The following SNU13 variants were observed in gnomAD, a reference collection of about 807,000 sequenced individuals.
The protein encoded by SNU13 is NHP2-like protein 1.
SNU13 carries 2 observed loss-of-function variants against 12.4 expected under a neutral mutation model. The ratio of observed to expected loss-of-function variants is 0.16; its 90% confidence interval spans 0.07 to 0.51. The LOEUF is 0.51. Ranked by LOEUF, SNU13 falls within the 20% of genes least tolerant of loss-of-function variation. The pLI is 0.96. For synonymous variants in SNU13, 68 were observed against 66.5 expected, an observed-to-expected ratio of 1.02 and a Z score of -0.11; for missense variants, 66 against 157.8, an observed-to-expected ratio of 0.42 and a Z score of 3.12.
At chr22:41,686,858 C>T (rs946097851) in intron 1 of SNU13, among the ~76,000 whole-genome samples, 18 of 148,990 alleles carry the variant, frequency 1.2e-4, no homozygotes, top group Admixed American at 6.1e-4. Flanking sequence ...AACTCCTGAC[C>T]TCATGATCCA....
Position 41,688,786 on chromosome 22 carries a change from G to C in SNU13, c.3+8C>G. The C allele has an allele frequency of 6.2e-7, 1 of 1,600,844 alleles. No individual in the cohort carries two copies. The highest frequency in any genetic ancestry group is 1.7e-5 in the Admixed American group (1 of 59,822). On this transcript the variant is annotated splice_region_variant and intron_variant, in intron 1 of 2. Transcript: ENST00000401959. The stretch of plus-strand genomic sequence containing the variant: ...CTTCCCGGTCCCTCGGCCGGCGCAC[G>C]CACTCACCATGGCTGCGGTTCCGCG...
chr22:41,684,129 T>C (rs1166632947), intron 1 of SNU13, among the ~76,000 whole-genome samples: 4 of 152,150 alleles, frequency 2.6e-5, no homozygotes, highest in Non-Finnish European at 2.9e-5. Flanking sequence ...GGTCTCGAAC[T>C]CCTGACCTCA....
chr22:41,683,965 C>T (rs562273312), intron 1 of SNU13, among the ~76,000 whole-genome samples: 7 of 151,972 alleles, frequency 4.6e-5, no homozygotes, highest in Non-Finnish European at 1.0e-4. Context: ...TGTAGTAGTG[C>T]GATCTTGGCT....
In SNU13 at chr22:41,674,749, AAAGG is replaced by A. The variant is rs1400507369; in HGVS notation, c.*180_*183del. The A allele has an allele frequency of 6.7e-6, 5 of 750,610 alleles. No homozygotes were observed. Among genetic ancestry groups the A allele is most frequent in the African/African-American group, 5.3e-5 (3 of 56,556 alleles). The allele number at this position is 750,610 out of a possible 1,614,324, so 46.5% of individuals were successfully genotyped here. Reference sequence around the variant, plus strand: ...ATGAAGGATGGCAGAGGGAGGGAGGAAAGGAAGGGGGATAGCAACCCTGTAAAAC... The same window carrying A: ...ATGAAGGATGGCAGAGGGAGGGAGGAAAGGGGGATAGCAACCCTGTAAAAC... On this transcript the variant is annotated 3_prime_UTR_variant, in exon 3 of 3. Transcript: ENST00000401959.
chr22:41,688,659 T>A, intron 1 of SNU13, 135 bp downstream of exon 1: 10 of 1,286,050 alleles, frequency 7.8e-6, no homozygotes, highest in Non-Finnish European at 1.1e-5. Flanking sequence ...GGGTTCTAAC[T>A]AAGGGCCCGG....
At chr22:41,688,964 C>T (rs559480840), upstream of SNU13, 8 of 1,356,252 alleles carry the variant, frequency 5.9e-6, no homozygotes, top group African/African-American at 4.3e-5. Flanking sequence ...TACGGGGGCA[C>T]TGGCGCGGAA....
At chr22:41,683,401 C>T (rs1286909383) in intron 1 of SNU13, among the ~76,000 whole-genome samples, 2 of 152,134 alleles carry the variant, frequency 1.3e-5, no homozygotes, top group Admixed American at 6.5e-5. Context: ...TGCACCACCA[C>T]GTCTGGCTAA....
At chr22:41,688,938 A>C (rs930454766), upstream of SNU13, 13 of 1,414,460 alleles carry the variant, frequency 9.2e-6, no homozygotes, top group African/African-American at 1.4e-5. Flanking sequence ...TACGCGAGCG[A>C]GTGGGCCCCG....
At chr22:41,685,729 G>A (rs962948705) in intron 1 of SNU13, among the ~76,000 whole-genome samples, 3 of 151,714 alleles carry the variant, frequency 2.0e-5, no homozygotes, top group Non-Finnish European at 4.4e-5. Context: ...TCTTTGGGAG[G>A]CTGAGGCAGG....
upstream of SNU13, chr22:41,688,936 C>T (rs1323605486): frequency 4.2e-6 from 6 of 1,414,700 alleles, no homozygotes; most frequent in African/African-American, 7.1e-5. Context: ...GCTACGCGAG[C>T]GAGTGGGCCC....
At chr22:41,682,401 C>T (rs2068272021) in intron 1 of SNU13, 1 of 1,613,664 alleles carries the variant, frequency 6.2e-7, no homozygotes, top group Non-Finnish European at 8.5e-7. Context: ...CGCGAGGATA[C>T]CACGCGTGTC....
intron 1 of SNU13, among the ~76,000 whole-genome samples, chr22:41,680,607 C>A (rs986482824): frequency 6.6e-6 from 1 of 152,236 alleles, no homozygotes; most frequent in African/African-American, 2.4e-5. Flanking sequence ...TTTTGTCTTT[C>A]TTCAGCCGAA....
chr22:41,683,839 G>C (rs2068286671), intron 1 of SNU13, among the ~76,000 whole-genome samples: 1 of 152,086 alleles, frequency 6.6e-6, no homozygotes, highest in Non-Finnish European at 1.5e-5. Context: ...AAATATCCAG[G>C]GTTTGTTGTC....
At chr22:41,676,786 T>G (rs967446070) in intron 2 of SNU13, among the ~76,000 whole-genome samples, 2 of 152,196 alleles carry the variant, frequency 1.3e-5, no homozygotes, top group African/African-American at 4.8e-5. Flanking sequence ...TTTGCTTTGC[T>G]TTTCCCCTTT....
intron 1 of SNU13, among the ~76,000 whole-genome samples, chr22:41,684,152 G>T (rs2068289899): frequency 6.6e-6 from 1 of 152,148 alleles, no homozygotes; most frequent in Non-Finnish European, 1.5e-5. Context: ...TGATCTACCT[G>T]CCTCGACCTC....
chr22:41,686,323 G>C (rs1286752090), intron 1 of SNU13, among the ~76,000 whole-genome samples: 1 of 138,004 alleles, frequency 7.2e-6, no homozygotes, highest in Non-Finnish European at 1.5e-5. Flanking sequence ...TTTTTTTTAA[G>C]AGACGGCATC....
At chr22:41,682,686 A>C in intron 1 of SNU13, 1 of 651,316 alleles carries the variant, frequency 1.5e-6, no homozygotes, top group Non-Finnish European at 2.2e-6. Context: ...TTCCTCATAC[A>C]TTTATTTATT....
intron 1 of SNU13, among the ~76,000 whole-genome samples, chr22:41,683,153 C>A (rs113880327): frequency 0.067 from 10,131 of 152,210 alleles, 1,066 homozygotes; most frequent in African/African-American, 0.23. Flanking sequence ...TGCACAACCA[C>A]GCCCGGCTAA....
At chr22:41,676,062 C>T (rs1418042709) in intron 2 of SNU13, among the ~76,000 whole-genome samples, 4 of 152,124 alleles carry the variant, frequency 2.6e-5, no homozygotes, top group Admixed American at 6.6e-5. Context: ...CTGCTATACT[C>T]GTCCAAGTCA....
Sources: gnomAD v4.1 joint callset for allele counts (sites outside exome capture counted in the v4.1 genomes callset) on GRCh38, gnomAD v4.1.1 for gene constraint, MANE v1.5 for transcripts, NCBI Gene and HGNC (gene_info 2026-07-23, HGNC 2026-07-21) for gene names.